Variants in CCNF observed in about 807,000 individuals in gnomAD.
CCNF encodes cyclin F.
A neutral mutation model predicts 85.4 loss-of-function variants in CCNF; 30 were observed. The ratio of observed to expected loss-of-function variants is 0.35; its 90% CI spans 0.26 to 0.48. The LOEUF is 0.48. Among genes scored for constraint, CCNF ranks in the 20% least tolerant of loss-of-function variants. The pLI, the probability that CCNF is intolerant of heterozygous loss-of-function variation, is 0.99. For missense variants in CCNF, 919 were observed against 1,010.4 expected, an observed-to-expected ratio of 0.91 and a Z score of 1.23; for synonymous variants, 439 against 425.1, an observed-to-expected ratio of 1.03 and a Z score of -0.40.
chr16:2,455,706 G>A (rs745774088), intron 16 of CCNF, 142 bp downstream of exon 16: 70 of 1,341,032 alleles, frequency 5.2e-5, no homozygotes, highest in African/African-American at 2.1e-4. Context: ...CTCCTGCCCC[G>A]CCGGGGAGTG....
At position 2,453,427 on chromosome 16, in the gene CCNF, G is replaced by C; in HGVS notation, c.1605G>C (p.Gln535His). ...ISQEEVLSYSQLCAALGVTQD... is the reference protein window; with the variant it reads ...ISQEEVLSYSHLCAALGVTQD... ...CCCCTCAGGTGCTGAGCTACAGCCA[G>C]TTGTGTGCTGCATTAGGAGTGACAC... Residue 535 changes from glutamine to histidine, a missense_variant, in exon 15 of 17, where the codon CAG (glutamine) becomes CAC (histidine). Transcript: ENST00000397066. The surrounding 1 kb of genome is among the most constrained non-coding windows in gnomAD (Gnocchi z 5.6). 1 of 1,614,034 alleles carries C rather than the reference G, an allele frequency of 6.2e-7. No homozygotes were observed. The highest frequency in any genetic ancestry group is 8.5e-7 in the Non-Finnish European group (1 of 1,179,996).
chr16:2,438,450 G>A (rs1317292695), intron 6 of CCNF, among the ~76,000 whole-genome samples: 1 of 152,140 alleles, frequency 6.6e-6, no homozygotes, highest in East Asian at 1.9e-4. Flanking sequence ...TCTCTGCCTG[G>A]CCAAAATGGT....
At chr16:2,444,693 C>A (rs1337624053) in intron 9 of CCNF, among the ~76,000 whole-genome samples, 1 of 151,870 alleles carries the variant, frequency 6.6e-6, no homozygotes, top group Non-Finnish European at 1.5e-5. Context: ...GCCTCCCAAG[C>A]TCAAGAGATC....
intron 8 of CCNF, among the ~76,000 whole-genome samples, chr16:2,442,155 C>A (rs1186575180): frequency 3.5e-5 from 5 of 143,398 alleles, no homozygotes; most frequent in African/African-American, 1.3e-4. Flanking sequence ...ACAGGCATTG[C>A]ACCACCACGC....
chr16:2,446,334 CAG>C (rs1264611526), intron 10 of CCNF, among the ~76,000 whole-genome samples: 1 of 152,092 alleles, frequency 6.6e-6, no homozygotes, highest in Non-Finnish European at 1.5e-5. Context: ...AGTCTGTTGC[CAG>C]AGTTTCCTAC....
intron 2 of CCNF, 73 bp downstream of exon 2, chr16:2,431,357 G>A: frequency 2.0e-6 from 3 of 1,510,690 alleles, no homozygotes; most frequent in Non-Finnish European, 2.7e-6. Flanking sequence ...GTTCTTAACT[G>A]TCAGAACAAA....
In CCNF at chr16:2,449,879, A is replaced by G. The variant is rs763031251; in HGVS notation, c.1451A>G (p.Asp484Gly). The G allele has an allele frequency of 2.5e-6, 4 of 1,609,066 alleles. No individual in the cohort carries two copies. The highest frequency in any genetic ancestry group is 3.4e-6 in the Non-Finnish European group (4 of 1,179,200). The change falls in exon 13 of 17, where the codon GAC becomes GGC. Residue 484 changes from aspartate to glycine, a missense_variant. Asp to Gly is a moderately conservative substitution (Grantham distance 94, BLOSUM62 -1). Coordinates refer to ENST00000397066, the MANE Select transcript of CCNF (RefSeq NM_001761.3). Reference sequence around the variant, plus strand: ...GACCTCACCGGATTCTCCTATGAAGACCTCATTCCCTGCGTCTTGAGCCTC... The same window carrying G: ...GACCTCACCGGATTCTCCTATGAAGGCCTCATTCCCTGCGTCTTGAGCCTC... ...LWDLTGFSYE[D>G]LIPCVLSLHK...
chr16:2,435,666 C>CACAT lies in CCNF; in HGVS notation c.279-139_279-138insCATA, dbSNP rs1267256738. 302 of 42,540 alleles carry CACAT rather than the reference C, an allele frequency of 7.1e-3. 1 individual carries two copies. Among genetic ancestry groups the CACAT allele is most frequent in the Non-Finnish European group, 9.3e-3 (253 of 27,280 alleles). 2.6% of individuals were successfully genotyped at this position (42,540 alleles called of 1,614,324 possible). A position where few individuals can be genotyped will look rare whatever the true frequency, so the allele number is the denominator to read the frequency against. ...ACACATATATATATGCACACACACA[C>CACAT]ATATATATATATATATATATATATA... On this transcript the variant is annotated intron_variant, in intron 3 of 16. Transcript: ENST00000397066.
In CCNF at chr16:2,456,125, C is replaced by T; in HGVS notation, c.1886-420C>T. ...GCAGTGAGCCGTGATCATGCCACTG[C>T]ACTGTAGCCTGGGCGTTCTTTCTAG... On this transcript the variant is annotated intron_variant, in intron 16 of 16. Transcript: ENST00000397066. The surrounding 1 kb of genome is among the most constrained non-coding windows in gnomAD (Gnocchi z 4.5). 1 of 177,402 alleles carries T rather than the reference C, an allele frequency of 5.6e-6. No individual in the cohort carries two copies. Among genetic ancestry groups the T allele is most frequent in the Non-Finnish European group, 1.2e-5 (1 of 84,400 alleles). The allele number at this position is 177,402 out of a possible 1,614,324, so 11.0% of individuals were successfully genotyped here.
chr16:2,448,827 A>G lies in CCNF; in HGVS notation c.1095-28A>G, dbSNP rs28417759. 0.7 allele frequency: 1,119,090 copies of G among 1,603,298 alleles called. 394,891 individuals carry two copies. The highest frequency in any genetic ancestry group is 0.92 in the African/African-American group (68,839 of 74,824). On this transcript the variant is annotated intron_variant, in intron 10 of 16. Transcript: ENST00000397066. ...ACCCCTGCCCCAGGAAGTGGGCTCC[A>G]CCCTGAGACCCCTTCTCGGCGTTGC...
Position 2,452,268 on chromosome 16 carries a change from A to C in CCNF, c.1488-942A>C, listed in dbSNP as rs77375192. On this transcript the variant is annotated intron_variant, in intron 13 of 16. Transcript: ENST00000397066. The surrounding 1 kb of genome is among the most constrained non-coding windows in gnomAD (Gnocchi z 4.1). Reference sequence around the variant, plus strand: ...CTGTGGCCCATCTGCTTTTTCTCCCACCATGCTGTGCTCCAGCCACAGGGG... The same window carrying C: ...CTGTGGCCCATCTGCTTTTTCTCCCCCCATGCTGTGCTCCAGCCACAGGGG... Among the ~76,000 whole-genome samples, 4,078 of 151,748 alleles carry C rather than the reference A, an allele frequency of 0.027. 112 individuals are homozygous for C. The highest frequency in any genetic ancestry group is 0.065 in the African/African-American group (2,695 of 41,354).
At chr16:2,436,018 G>A (rs1596916604) in intron 4 of CCNF, 145 bp downstream of exon 4, 3 of 553,066 alleles carry the variant, frequency 5.4e-6, no homozygotes, top group Non-Finnish European at 1.0e-5. Flanking sequence ...TCAGGAGCTC[G>A]TGCCCAGATG....
rs1477377949 is a variant in CCNF at position 2,443,931 on chromosome 16, T to C, written c.929+131T>C. On this transcript the variant is annotated intron_variant, in intron 9 of 16. Coordinates refer to ENST00000397066, the MANE Select transcript of CCNF (RefSeq NM_001761.3). ...TAGAGTTCCCTTATCACCCTTTTTT[T>C]TTTTTTGAAGTGGAGTCTCGCTCTG... 1.9e-5 allele frequency: 15 copies of C among 789,432 alleles called. 1 individual carries two copies. Among genetic ancestry groups the C allele is most frequent in the Non-Finnish European group, 2.9e-5 (15 of 515,886 alleles). The allele number at this position is 789,432 out of a possible 1,614,324, so 48.9% of individuals were successfully genotyped here.
intron 15 of CCNF, among the ~76,000 whole-genome samples, chr16:2,455,063 A>G (rs2141832040): frequency 6.6e-6 from 1 of 150,780 alleles, no homozygotes; most frequent in Middle Eastern, 3.4e-3. Flanking sequence ...ACCTCAAAAA[A>G]AAAAAAAAAA....
rs1434594994 is a variant in CCNF, at chr16:2,432,997, G to A, written c.208G>A (p.Ala70Thr). The change falls in exon 3 of 17, where the codon GCC becomes ACC. Residue 70 changes from alanine to threonine, a missense_variant. Physicochemically the swap from Ala to Thr is moderately conservative, Grantham distance 58 (BLOSUM62 0). Coordinates refer to ENST00000397066, the MANE Select transcript of CCNF (RefSeq NM_001761.3). ...GCTGAAGGACCTGGTGGACAACCACGCCAGTGTGTGGGCATGTGCCAGCTT... is the reference window on the plus strand; with the variant it reads ...GCTGAAGGACCTGGTGGACAACCACACCAGTGTGTGGGCATGTGCCAGCTT... ...SQLKDLVDNHASVWACASFQE... is the reference protein window; with the variant it reads ...SQLKDLVDNHTSVWACASFQE... The A allele has an allele frequency of 1.4e-5, 23 of 1,610,320 alleles. No individual in the cohort carries two copies. The highest frequency in any genetic ancestry group is 1.3e-4 in the East Asian group (6 of 44,774).
intron 4 of CCNF, 169 bp downstream of exon 4, chr16:2,436,042 G>T: frequency 1.9e-6 from 1 of 519,272 alleles, no homozygotes. Context: ...CCTGCTGAGG[G>T]ACCTGCTAAT....
chr16:2,453,490 G>A lies in CCNF; in HGVS notation c.1668G>A (p.Gly556=), dbSNP rs1338011780. 1 of 1,614,074 alleles carries A rather than the reference G, an allele frequency of 6.2e-7. No individual in the cohort carries two copies. The highest frequency in any genetic ancestry group is 8.5e-7 in the Non-Finnish European group (1 of 1,180,006). ...ACCCCCCGACTTTCCTCAGCACAGG[G>A]GAGATCCACGCCTTCCTCAGCTCTC... The part of the protein sequence containing the change: ...SPDPPTFLST[G]EIHAFLSSPS... The change falls in exon 15 of 17, where the codon GGG becomes GGA. Residue 556 remains glycine (G), a synonymous_variant. Transcript: ENST00000397066. This position sits in a 1 kb window ranked among gnomAD's most constrained non-coding sequence, Gnocchi z 5.6.
chr16:2,453,216 T>A lies in CCNF; in HGVS notation c.1494T>A (p.His498Gln). ...CVLSLHKKCFHDDAPKDYRQV... is the reference protein window; with the variant it reads ...CVLSLHKKCFQDDAPKDYRQV... ...CACGTGACTCTGTTTCCAGCTTCCA[T>A]GATGACGCCCCCAAGGACTACAGGC... is the stretch of plus-strand genomic sequence containing the variant. The change falls in exon 14 of 17, where the codon CAT becomes CAA. Residue 498 changes from histidine (H) to glutamine (Q), a missense_variant. This residue lies in a region of CCNF where 505 missense variants were observed against 514.8 expected (regional missense o/e 0.98). Transcript: ENST00000397066. This position sits in a 1 kb window ranked among gnomAD's most constrained non-coding sequence, Gnocchi z 5.6. 2.5e-6 allele frequency: 4 copies of A among 1,613,672 alleles called. No homozygotes were observed. Among genetic ancestry groups the A allele is most frequent in the Non-Finnish European group, 3.4e-6 (4 of 1,180,000 alleles).
Position 2,456,974 on chromosome 16 carries a change from TA to T in CCNF, c.2316del (p.His773ThrfsTer7). 1.2e-6 allele frequency: 2 copies of T among 1,608,576 alleles called. No homozygotes were observed. The highest frequency in any genetic ancestry group is 1.7e-6 in the Non-Finnish European group (2 of 1,177,140). ...QQQVKRINLCIHSEEEDMNLG... is the reference protein window; with the variant it reads ...QQQVKRINLCXHSEEEDMNLG... ...CAGGTGAAGCGGATAAACCTATGCA[TA>T]CACAGTGAGGAGGAGGACATGAACC... On this transcript the variant is annotated frameshift_variant, in exon 17 of 17. Transcript: ENST00000397066. LOFTEE classifies it low-confidence loss of function (END_TRUNC). This position sits in a 1 kb window ranked among gnomAD's most constrained non-coding sequence, Gnocchi z 4.5.
Sources: allele counts gnomAD v4.1 joint callset (sites outside exome capture counted in the v4.1 genomes callset), GRCh38; gene constraint gnomAD v4.1.1; regional missense constraint gnomAD v4.1.1; non-coding constraint Gnocchi (gnomAD v3.1); transcripts MANE v1.5; gene names NCBI Gene and HGNC (gene_info 2026-07-23, HGNC 2026-07-21).